The following KLF11 variants were observed in gnomAD, a reference collection of about 807,000 sequenced individuals.
The protein encoded by KLF11 is Krueppel-like factor 11.
KLF11 carries 26 observed loss-of-function variants against 29.9 expected under a neutral mutation model. The observed-to-expected ratio is 0.87, with a 90% confidence interval of 0.64 to 1.21. The LOEUF is 1.21. KLF11 is among the 50% of genes most tolerant of loss of function. The probability of loss-of-function intolerance (pLI) is 0.00; values close to 1 mark genes in which losing one functional copy is unlikely to be tolerated. For missense variants in KLF11, 778 were observed against 665.7 expected, an observed-to-expected ratio of 1.17 and a Z score of -1.86; for synonymous variants, 318 against 257.4, an observed-to-expected ratio of 1.24 and a Z score of -2.25.
chr2:10,049,694 TCTTC>T (rs1661344845), intron 3 of KLF11, among the ~76,000 whole-genome samples: 1 of 152,256 alleles, frequency 6.6e-6, no homozygotes, highest in Non-Finnish European at 1.5e-5. Context: ...TGTTTCTTTA[TCTTC>T]CTTCTTTGAC....
At position 10,047,692 on chromosome 2, in the gene KLF11, A is replaced by G; in HGVS notation, c.355A>G (p.Thr119Ala). Residue 119 changes from threonine to alanine, a missense_variant, in exon 3 of 4, where the codon ACA becomes GCA. By Grantham distance (58) the Thr-to-Ala change is moderately conservative (BLOSUM62 0). Coordinates refer to ENST00000305883, the MANE Select transcript of KLF11 (RefSeq NM_003597.5). ...GAGCCCTGATCTCGTGGAGCCATCG[A>G]CAAGGACACCTGTTTCTCCCCAAGT... ...PQSPDLVEPS[T>A]RTPVSPQVTD... The G allele has an allele frequency of 6.2e-7, 1 of 1,613,544 alleles. No individual in the cohort carries two copies. The highest frequency in any genetic ancestry group is 8.5e-7 in the Non-Finnish European group (1 of 1,180,036).
chr2:10,052,142 C>A, intron 3 of KLF11, 85 bp from the exon 4 acceptor site: 4 of 1,376,630 alleles, frequency 2.9e-6, no homozygotes, highest in Non-Finnish European at 4.1e-6. Context: ...TTGATGAACA[C>A]GATTTTAAAA....
Position 10,048,295 on chromosome 2 carries a change from C to T in KLF11, c.958C>T (p.Gln320Ter), listed in dbSNP as rs768756551. ...GGGGACTGTGAGACCCATCCTAGCTCAGGCTGCTCCAGCGCCTCAACCTGT... is the reference window on the plus strand; with the variant it reads ...GGGGACTGTGAGACCCATCCTAGCTTAGGCTGCTCCAGCGCCTCAACCTGT... ...SVGTVRPILA[Q>*]AAPAPQPVFV... is the part of the protein sequence containing the mutation. The change falls in exon 3 of 4, where the codon CAG becomes TAG. Residue 320 changes from glutamine (Q) to a stop codon, truncating the protein, a stop_gained. Coordinates refer to ENST00000305883, the MANE Select transcript of KLF11 (RefSeq NM_003597.5). LOFTEE classifies it high-confidence loss of function. 1 of 1,600,516 alleles carries T rather than the reference C, an allele frequency of 6.2e-7. No homozygotes were observed. Among genetic ancestry groups the T allele is most frequent in the Non-Finnish European group, 8.5e-7 (1 of 1,171,838 alleles).
chr2:10,047,966 A>G lies in KLF11; in HGVS notation c.629A>G (p.His210Arg). 6.2e-7 allele frequency: 1 copy of G among 1,613,984 alleles called. No individual in the cohort carries two copies. Among genetic ancestry groups the G allele is most frequent in the South Asian group, 1.1e-5 (1 of 91,088 alleles). Residue 210 changes from histidine (H) to arginine (R), a missense_variant, in exon 3 of 4, where the codon CAC (histidine) becomes CGC (arginine). Coordinates refer to ENST00000305883, the MANE Select transcript of KLF11 (RefSeq NM_003597.5). ...SREGEEQLLG[H>R]FETLQDTHLT... ...GAAGGAGAAGAGCAGCTTCTGGGAC[A>G]CTTTGAAACTTTGCAGGACACACAC...
In KLF11 at chr2:10,053,428, C is replaced by T; in HGVS notation, c.*921C>T. 2.5e-6 allele frequency: 1 copy of T among 398,466 alleles called. No individual in the cohort carries two copies. The highest frequency in any genetic ancestry group is 2.1e-5 in the African/African-American group (1 of 48,610). 24.7% of individuals were successfully genotyped at this position (398,466 alleles called of 1,614,324 possible). On this transcript the variant is annotated 3_prime_UTR_variant, in exon 4 of 4. Coordinates refer to ENST00000305883, the MANE Select transcript of KLF11 (RefSeq NM_003597.5). ...CAGTTCTGACTCCTTTTGCTGTGGC[C>T]TTATCCGTACTATATTGTGGGTAGA...
rs778816307 is a variant in KLF11, at chr2:10,046,180, C to T, written c.73C>T (p.Leu25=). ...CATCATGGACATATGTGAGTCCATC[C>T]TGGAGAGGAAGCGGCATGACAGCGA... ...VDIMDICESI[L]ERKRHDSERS... Residue 25 remains leucine, a synonymous_variant, in exon 2 of 4, where the codon CTG becomes TTG. Coordinates refer to ENST00000305883, the MANE Select transcript of KLF11 (RefSeq NM_003597.5). The T allele has an allele frequency of 1.9e-6, 3 of 1,614,124 alleles. No homozygotes were observed. The highest frequency in any genetic ancestry group is 2.2e-5 in the South Asian group (2 of 91,074).
intron 1 of KLF11, chr2:10,044,037 TC>T: frequency 1.4e-6 from 1 of 720,328 alleles, no homozygotes. Context: ...CGCGGCTATT[TC>T]CAGCCATGAC....
At position 10,046,252 on chromosome 2, in the gene KLF11, G is replaced by A. The variant is rs765203290; in HGVS notation, c.145G>A (p.Glu49Lys). 6.9e-5 allele frequency: 112 copies of A among 1,614,034 alleles called. No homozygotes were observed. Among genetic ancestry groups the A allele is most frequent in the South Asian group, 3.8e-4 (35 of 91,076 alleles). The stretch of plus-strand genomic sequence containing the variant: ...GGAGCAGACAGACATGGAAGCTGTC[G>A]AGGCTCTTGTTTGTATGAGCTCCTG... ...ILEQTDMEAV[E>K]ALVCMSSWGQ... is the part of the protein sequence containing the mutation. The change falls in exon 2 of 4, where the codon GAG (glutamate) becomes AAG (lysine). Residue 49 changes from glutamate to lysine, a missense_variant. Transcript: ENST00000305883.
chr2:10,052,093 T>TC, intron 3 of KLF11, 134 bp from the exon 4 acceptor site: 1 of 937,332 alleles, frequency 1.1e-6, no homozygotes. Context: ...ACCCAAATCA[T>TC]CCAATTCCAG....
chr2:10,054,662 T>C lies in KLF11; in HGVS notation c.*2155T>C, dbSNP rs375562533. The C allele has an allele frequency of 2.6e-5, 4 of 152,804 alleles. No homozygotes were observed. The highest frequency in any genetic ancestry group is 9.6e-5 in the African/African-American group (4 of 41,592). The allele number at this position is 152,804 out of a possible 1,614,324, so 9.5% of individuals were successfully genotyped here. On this transcript the variant is annotated 3_prime_UTR_variant, in exon 4 of 4. Transcript: ENST00000305883. ...AGGTGGGCTCCCCTCGTGCACTTTA[T>C]TGCCTGGGCAGTTTTGCTTGATCTT...
rs1406376844 is a variant in KLF11, at chr2:10,043,733, T to C, written c.17T>C (p.Phe6Ser). 15 of 1,381,544 alleles carry C rather than the reference T, an allele frequency of 1.1e-5. No homozygotes were observed. Among genetic ancestry groups the C allele is most frequent in the Non-Finnish European group, 1.1e-5 (12 of 1,052,552 alleles). The allele number at this position is 1,381,544 out of a possible 1,614,324, so 85.6% of individuals were successfully genotyped here. MHTPD[F>S]AGPDDARAVD... is the part of the protein sequence containing the mutation. The stretch of plus-strand genomic sequence containing the variant: ...GCCTGCACGATGCACACGCCGGACT[T>C]CGCAGGCCCAGACGACGCGCGCGCA... The change falls in exon 1 of 4, where the codon TTC (phenylalanine) becomes TCC (serine). Residue 6 changes from phenylalanine to serine, a missense_variant. Coordinates refer to ENST00000305883, the MANE Select transcript of KLF11 (RefSeq NM_003597.5).
intron 1 of KLF11, chr2:10,044,067 G>C (rs948362185): frequency 1.4e-6 from 1 of 707,384 alleles, no homozygotes; most frequent in Non-Finnish European, 1.7e-6. Flanking sequence ...GGTCCTGTGA[G>C]CCGGACGGCC....
At position 10,047,747 on chromosome 2, in the gene KLF11, A is replaced by G. The variant is rs145933214; in HGVS notation, c.410A>G (p.Asp137Gly). The G allele has an allele frequency of 5.6e-4, 909 of 1,613,718 alleles. 7 individuals carry two copies. In the African/African-American group the frequency reaches 0.01, roughly 19 times the overall value. ...VTDSKACTAT[D>G]VLQSSAVVAR... is the part of the protein sequence containing the mutation. Reference sequence around the variant, plus strand: ...GATTCCAAAGCATGTACAGCCACGGATGTTCTCCAGTCCTCTGCCGTAGTG... The same window carrying G: ...GATTCCAAAGCATGTACAGCCACGGGTGTTCTCCAGTCCTCTGCCGTAGTG... Residue 137 changes from aspartate to glycine, a missense_variant, in exon 3 of 4, where the codon GAT becomes GGT. Asp to Gly is a moderately conservative substitution (Grantham distance 94). Coordinates refer to ENST00000305883, the MANE Select transcript of KLF11 (RefSeq NM_003597.5).
chr2:10,053,295 C>G lies in KLF11; in HGVS notation c.*788C>G, dbSNP rs1661463635. On this transcript the variant is annotated 3_prime_UTR_variant, in exon 4 of 4. Coordinates refer to ENST00000305883, the MANE Select transcript of KLF11 (RefSeq NM_003597.5). ...ACCAGTACTTGCTGCAGGATCTAGT[C>G]TGTAATAGTCTTGGCCATGGCTCTG... is the stretch of plus-strand genomic sequence containing the variant. 3 of 398,622 alleles carry G rather than the reference C, an allele frequency of 7.5e-6. No homozygotes were observed. Among genetic ancestry groups the G allele is most frequent in the Non-Finnish European group, 1.3e-5 (3 of 226,082 alleles). The allele number at this position is 398,622 out of a possible 1,614,324, so 24.7% of individuals were successfully genotyped here. A position where few individuals can be genotyped will look rare whatever the true frequency, so the allele number is the denominator to read the frequency against.
intron 3 of KLF11, among the ~76,000 whole-genome samples, chr2:10,051,309 A>G (rs1050417937): frequency 2.6e-5 from 4 of 151,476 alleles, no homozygotes; most frequent in Non-Finnish European, 4.4e-5. Flanking sequence ...CCCAGGTTCA[A>G]GCGATTGTCC....
Position 10,053,516 on chromosome 2 carries a change from C to G in KLF11, c.*1009C>G. The G allele has an allele frequency of 2.5e-6, 1 of 398,412 alleles. No individual in the cohort carries two copies. Among genetic ancestry groups the G allele is most frequent in the Non-Finnish European group, 4.4e-6 (1 of 226,008 alleles). The allele number at this position is 398,412 out of a possible 1,614,324, so 24.7% of individuals were successfully genotyped here. On this transcript the variant is annotated 3_prime_UTR_variant, in exon 4 of 4. Coordinates refer to ENST00000305883, the MANE Select transcript of KLF11 (RefSeq NM_003597.5). ...TGGATGAAACTCCACCAGAGCACAG[C>G]TTAGCTGGGGCGAGATGCATGTGAA...
At position 10,046,438 on chromosome 2, in the gene KLF11, G is replaced by A. The variant is rs369891632; in HGVS notation, c.312+19G>A. The A allele has an allele frequency of 3.2e-5, 51 of 1,612,138 alleles. No homozygotes were observed. The Admixed American group carries it at 5.8e-4, about 18-fold the overall frequency. On this transcript the variant is annotated intron_variant, in intron 2 of 3. Coordinates refer to ENST00000305883, the MANE Select transcript of KLF11 (RefSeq NM_003597.5). ...GACTCTGGTAAGAGGAGGTGGGAGG[G>A]AGGAGCGTTTTTGTGAAATGACTAG...
chr2:10,048,137 A>G lies in KLF11; in HGVS notation c.800A>G (p.Asp267Gly), dbSNP rs1412346484. Residue 267 changes from aspartate (D) to glycine (G), a missense_variant, in exon 3 of 4, where the codon GAC (aspartate) becomes GGC (glycine). Transcript: ENST00000305883. ...QTCSPKNYEN[D>G]LPRKTTPLIS... is the part of the protein sequence containing the mutation. ...TGCTCACCAAAGAATTATGAAAATG[A>G]CCTGCCCAGGAAAACCACCCCTCTG... 2 of 1,613,994 alleles carry G rather than the reference A, an allele frequency of 1.2e-6. No individual in the cohort carries two copies. Among genetic ancestry groups the G allele is most frequent in the East Asian group, 2.2e-5 (1 of 44,898 alleles).
chr2:10,047,903 C>T lies in KLF11; in HGVS notation c.566C>T (p.Thr189Ile), dbSNP rs765550525. The change falls in exon 3 of 4, where the codon ACC (threonine) becomes ATC (isoleucine). Residue 189 changes from threonine to isoleucine, a missense_variant. By Grantham distance (89) the Thr-to-Ile change is moderately conservative (BLOSUM62 -1). Transcript: ENST00000305883. ...GAGAGCCCTGCTGCCTGCTTTCCCA[C>T]CATCCAGACTCCAGATTGCCGGCTT... is the stretch of plus-strand genomic sequence containing the variant. ...TGESPAACFP[T>I]IQTPDCRLSD... is the part of the protein sequence containing the mutation. 2.5e-6 allele frequency: 4 copies of T among 1,613,792 alleles called. No homozygotes were observed. The South Asian group carries it at 3.3e-5, about 13-fold the overall frequency.
Sources: allele counts gnomAD v4.1 joint callset (sites outside exome capture counted in the v4.1 genomes callset), GRCh38; gene constraint gnomAD v4.1.1; transcripts MANE v1.5; gene names NCBI Gene and HGNC (gene_info 2026-07-23, HGNC 2026-07-21).